Variants in GNAO1 observed in about 807,000 individuals in gnomAD.
GNAO1 encodes the protein guanine nucleotide-binding protein G(o) subunit alpha.
For synonymous variants in GNAO1, 164 were observed against 180.7 expected (o/e 0.91, Z 0.74); for missense variants, 166 against 478.7 (o/e 0.35, Z 6.10).
chr16:56,245,331 G>C (rs1439071113), intron 2 of GNAO1, among the ~76,000 whole-genome samples: 1 of 152,162 alleles, frequency 6.6e-6, no homozygotes, highest in Non-Finnish European at 1.5e-5. Context: ...TCACGGCCCT[G>C]ACGTTCCATT....
At chr16:56,256,344 C>T (rs1387608772) in intron 2 of GNAO1, among the ~76,000 whole-genome samples, 3 of 152,168 alleles carry the variant, frequency 2.0e-5, no homozygotes, top group African/African-American at 7.2e-5. Context: ...CAGTTTCTAC[C>T]TGCGCTCCAT....
chr16:56,281,258 G>C (rs1166624192), intron 3 of GNAO1, among the ~76,000 whole-genome samples: 1 of 152,124 alleles, frequency 6.6e-6, no homozygotes, highest in Non-Finnish European at 1.5e-5. Context: ...ATCATTCAAA[G>C]AATCCCATCC....
In GNAO1 at chr16:56,354,948, T is replaced by C. The variant is rs1315805433; in HGVS notation, c.960T>C (p.Tyr320=). The part of the protein sequence containing the change: ...SKNRSPNKEI[Y]CHMTCATDTN... ...ACCGCTCACCCAACAAAGAAATATA[T>C]TGTCACATGACTTGTGCCACAGACA... is the stretch of plus-strand genomic sequence containing the variant. The change falls in exon 8 of 9, where the codon TAT becomes TAC. Residue 320 remains tyrosine (Y), a synonymous_variant. Transcript: ENST00000262493. The surrounding 1 kb of genome is among the most constrained non-coding windows in gnomAD (Gnocchi z 4.3). 6.2e-7 allele frequency: 1 copy of C among 1,613,048 alleles called. No homozygotes were observed.
At chr16:56,347,082 G>A (rs2037876896) in intron 6 of GNAO1, 1 of 985,420 alleles carries the variant, frequency 1.0e-6, no homozygotes, top group South Asian at 4.7e-5. Flanking sequence ...CTCTTGGCAA[G>A]TGAGTCCATT....
intron 3 of GNAO1, among the ~76,000 whole-genome samples, chr16:56,290,836 C>T (rs1306814150): frequency 6.6e-6 from 1 of 152,112 alleles, no homozygotes; most frequent in Non-Finnish European, 1.5e-5. Context: ...AACCACTAAT[C>T]TGCTCTCTGT....
chr16:56,285,443 T>C (rs2037157157), intron 3 of GNAO1, among the ~76,000 whole-genome samples: 1 of 152,050 alleles, frequency 6.6e-6, no homozygotes, highest in African/African-American at 2.4e-5. Context: ...CAGGGGGAAC[T>C]GACCGCCTCC....
At chr16:56,302,783 A>T (rs545483634) in intron 3 of GNAO1, 14 of 152,348 alleles carry the variant, frequency 9.2e-5, no homozygotes, top group Admixed American at 5.9e-4. Context: ...CACTGTGTGT[A>T]TTGATTTCTC....
At chr16:56,321,114 G>A (rs1184943835) in intron 3 of GNAO1, among the ~76,000 whole-genome samples, 3 of 152,196 alleles carry the variant, frequency 2.0e-5, no homozygotes, top group African/African-American at 4.8e-5. Context: ...AGCCAGTGGC[G>A]CTGCAGGAAT....
At chr16:56,300,036 T>TGTGTGTGTGTGTGTGC (rs753591618) in intron 3 of GNAO1, among the ~76,000 whole-genome samples, 170 of 95,158 alleles carry the variant, frequency 1.8e-3, no homozygotes, top group African/African-American at 5.9e-3. Flanking sequence ...TGTGTGTGTG[T>TGTGTGTGTGTGTGTGC]GCGCGCGCGC....
chr16:56,192,824 T>C lies in GNAO1; in HGVS notation c.161+208T>C, dbSNP rs1169671121. On this transcript the variant is annotated intron_variant, in intron 2 of 8. Transcript: ENST00000262493. ...CTCCACCCTAACTCCTGGGTGGGTG[T>C]TTTTTGGGAGGGGGAAGGGGAGCGC... is the stretch of plus-strand genomic sequence containing the variant. 9 of 558,516 alleles carry C rather than the reference T, an allele frequency of 1.6e-5. No individual in the cohort carries two copies. In the South Asian group the frequency reaches 1.9e-4, roughly 12 times the overall value. The allele number at this position is 558,516 out of a possible 1,614,324, so 34.6% of individuals were successfully genotyped here.
chr16:56,193,866 A>T, intron 2 of GNAO1: 1 of 353,910 alleles, frequency 2.8e-6, no homozygotes, highest in Non-Finnish European at 5.6e-6. Context: ...CTTCGTGCAC[A>T]CACAGCTCCT....
At chr16:56,332,640 A>G (rs1039996782) in intron 4 of GNAO1, among the ~76,000 whole-genome samples, 3 of 152,168 alleles carry the variant, frequency 2.0e-5, no homozygotes, top group Non-Finnish European at 4.4e-5. Flanking sequence ...GGTGGGATGG[A>G]CAGCAGGTGC....
chr16:56,202,249 C>G (rs1385495085), intron 2 of GNAO1, among the ~76,000 whole-genome samples: 1 of 152,096 alleles, frequency 6.6e-6, no homozygotes. Context: ...GGCAGGTGTC[C>G]ATGGAGTCTG....
chr16:56,249,443 C>A (rs566108741), intron 2 of GNAO1, among the ~76,000 whole-genome samples: 2 of 152,216 alleles, frequency 1.3e-5, no homozygotes, highest in Middle Eastern at 6.8e-3. Context: ...CATTGACAGA[C>A]AATCCAGGCA....
chr16:56,200,279 A>G (rs2036271114), intron 2 of GNAO1, among the ~76,000 whole-genome samples: 1 of 152,220 alleles, frequency 6.6e-6, no homozygotes, highest in South Asian at 2.1e-4. Context: ...TGCTCATAGT[A>G]CAGCACCATG....
Position 56,334,837 on chromosome 16 carries a change from A to C in GNAO1, c.573A>C (p.Thr191=). 1 of 1,614,062 alleles carries C rather than the reference A, an allele frequency of 6.2e-7. No individual in the cohort carries two copies. Among genetic ancestry groups the C allele is most frequent in the African/African-American group, 1.3e-5 (1 of 75,084 alleles). ...CTGGCATCGTAGAAACCCACTTCAC[A>C]TTCAAGAACCTCCACTTCAGGTGAG... ...KTTGIVETHF[T]FKNLHFRLFD... is the part of the protein sequence containing the mutation. Residue 191 remains threonine, a synonymous_variant, in exon 5 of 9, where the codon ACA becomes ACC. Coordinates refer to ENST00000262493, the MANE Select transcript of GNAO1 (RefSeq NM_020988.3).
At chr16:56,269,087 A>G (rs2036987445) in intron 2 of GNAO1, among the ~76,000 whole-genome samples, 1 of 152,218 alleles carries the variant, frequency 6.6e-6, no homozygotes, top group Non-Finnish European at 1.5e-5. Flanking sequence ...CAGCCACAGC[A>G]CAGCTCTCCG....
chr16:56,354,897 C>T lies in GNAO1; in HGVS notation c.909C>T (p.Tyr303=), dbSNP rs773032912. The change falls in exon 8 of 9, where the codon TAC becomes TAT. Residue 303 remains tyrosine, a synonymous_variant. Coordinates refer to ENST00000262493, the MANE Select transcript of GNAO1 (RefSeq NM_020988.3). The surrounding 1 kb of genome is among the most constrained non-coding windows in gnomAD (Gnocchi z 4.3). Reference sequence around the variant, plus strand: ...ATACCTATGAAGACGCAGCCGCCTACATCCAAGCACAATTTGAAAGCAAAA... The same window carrying T: ...ATACCTATGAAGACGCAGCCGCCTATATCCAAGCACAATTTGAAAGCAAAA... The part of the protein sequence containing the change: ...GPNTYEDAAA[Y]IQAQFESKNR... 1 of 1,613,242 alleles carries T rather than the reference C, an allele frequency of 6.2e-7. No individual in the cohort carries two copies. Among genetic ancestry groups the T allele is most frequent in the Non-Finnish European group, 8.5e-7 (1 of 1,179,416 alleles).
chr16:56,257,170 G>C (rs1483334185), intron 2 of GNAO1, among the ~76,000 whole-genome samples: 1 of 152,012 alleles, frequency 6.6e-6, no homozygotes, highest in Admixed American at 6.5e-5. Flanking sequence ...AAAGGGGACT[G>C]GGTTTGGGGG....
Sources: gnomAD v4.1 joint callset for allele counts (sites outside exome capture counted in the v4.1 genomes callset) on GRCh38, gnomAD v4.1.1 for gene constraint, Gnocchi (gnomAD v3.1) non-coding constraint, MANE v1.5 for transcripts, NCBI Gene and HGNC (gene_info 2026-07-23, HGNC 2026-07-21) for gene names.